GALNS: variants seen among roughly 807,000 people sequenced by gnomAD.
GALNS encodes the protein galactosamine (N-acetyl)-6-sulfatase.
GALNS carries 65 observed loss-of-function variants against 65.9 expected under a neutral mutation model. That is an observed-to-expected ratio of 0.99 (90% CI 0.81 to 1.21). The LOEUF is 1.21. GALNS is among the 50% of genes most tolerant of loss of function. GALNS has a pLI of 0.00. For synonymous variants in GALNS, 346 were observed against 288.9 expected (o/e 1.20, Z -2.00); for missense variants, 776 against 700.7 (o/e 1.11, Z -1.21).
chr16:88,815,526 G>A (rs770990425), intron 13 of GALNS: 4 of 985,468 alleles, frequency 4.1e-6, no homozygotes, highest in Middle Eastern at 5.2e-4. Flanking sequence ...TTGATGGGAG[G>A]GCACTTTTCC....
At chr16:88,856,381 T>A (rs760949088) in intron 1 of GALNS, 5 of 701,452 alleles carry the variant, frequency 7.1e-6, no homozygotes, top group Non-Finnish European at 1.3e-5. Context: ...CGCGCCCACC[T>A]TTCCCAAGAG....
chr16:88,846,384 C>T (rs114929063), intron 1 of GALNS, among the ~76,000 whole-genome samples: 4,764 of 152,128 alleles, frequency 0.031, 251 homozygotes, highest in African/African-American at 0.11. Flanking sequence ...GGGCTCCGGA[C>T]GGCTGGGGGC....
At chr16:88,815,258 G>A (rs993847671) in intron 13 of GALNS, 1 of 985,368 alleles carries the variant, frequency 1.0e-6, no homozygotes, top group Non-Finnish European at 1.2e-6. Context: ...GGATGCAGCT[G>A]CCAAGTGGCT....
intron 4 of GALNS, chr16:88,840,612 T>C: frequency 2.8e-6 from 1 of 360,708 alleles, no homozygotes; most frequent in Non-Finnish European, 5.4e-6. Flanking sequence ...GCCCCTAGGG[T>C]GGACAGGCAG....
intron 11 of GALNS, 25 bp downstream of exon 11, chr16:88,824,742 T>C (rs761932909): frequency 6.3e-7 from 1 of 1,595,742 alleles, no homozygotes; most frequent in Non-Finnish European, 8.6e-7. Context: ...CAGCTCCGCC[T>C]GCGCCCACGT....
At chr16:88,840,644 G>C in intron 4 of GALNS, 1 of 389,612 alleles carries the variant, frequency 2.6e-6, no homozygotes, top group Non-Finnish European at 4.9e-6. Flanking sequence ...CAGCTCCTGT[G>C]TGTAATGACG....
intron 1 of GALNS, among the ~76,000 whole-genome samples, chr16:88,847,775 C>G (rs1401077311): frequency 6.6e-6 from 1 of 152,254 alleles, no homozygotes; most frequent in Admixed American, 6.5e-5. Context: ...GAACGTGACA[C>G]GCAGCACCTG....
intron 13 of GALNS, chr16:88,816,519 GC>G (rs1230716631): frequency 2.3e-5 from 22 of 945,050 alleles, no homozygotes; most frequent in Non-Finnish European, 2.6e-5. Flanking sequence ...AGGCACCCCC[GC>G]CCCCCGCCCC....
intron 9 of GALNS, among the ~76,000 whole-genome samples, chr16:88,828,727 C>A (rs1022633383): frequency 6.6e-6 from 1 of 152,206 alleles, no homozygotes; most frequent in Non-Finnish European, 1.5e-5. Context: ...GGAGCCTTTC[C>A]GTGGGCAGGT....
intron 12 of GALNS, among the ~76,000 whole-genome samples, chr16:88,820,118 C>G (rs1345487163): frequency 6.6e-6 from 1 of 150,488 alleles, no homozygotes; most frequent in Non-Finnish European, 1.5e-5. Flanking sequence ...TGTGAGTGAC[C>G]ATGCCTGGCC....
rs200110619 is a variant in GALNS at position 88,822,757 on chromosome 16, G to A, written c.1243-47C>T. ...TGTGTCCTGGAGCCCCTGACCTGCGGCCGTGAGGGGCCTCGTCTGCCCGTG... is the reference window on the plus strand; with the variant it reads ...TGTGTCCTGGAGCCCCTGACCTGCGACCGTGAGGGGCCTCGTCTGCCCGTG... On this transcript the variant is annotated intron_variant, in intron 11 of 13. Coordinates refer to ENST00000268695, the MANE Select transcript of GALNS (RefSeq NM_000512.5). The A allele has an allele frequency of 1.4e-4, 221 of 1,600,942 alleles. No individual in the cohort carries two copies. In the African/African-American group the frequency reaches 2.8e-3, roughly 21 times the overall value.
chr16:88,824,825 A>G lies in GALNS; in HGVS notation c.1184T>C (p.Leu395Pro), dbSNP rs1227964288. ...CCAGAAGTGAGCCTTGTGCTGCCCGAGGGTGGCCGCCATCAGCGTGTCGCC... is the reference window on the plus strand; with the variant it reads ...CCAGAAGTGAGCCTTGTGCTGCCCGGGGGTGGCCGCCATCAGCGTGTCGCC... ...YRGDTLMAAT[L>P]GQHKAHFWTW... Residue 395 changes from leucine to proline, a missense_variant, in exon 11 of 14, where the codon CTC (leucine) becomes CCC (proline). By Grantham distance (98) the Leu-to-Pro change is moderately conservative (BLOSUM62 -3). Transcript: ENST00000268695. The G allele has an allele frequency of 6.2e-7, 1 of 1,613,334 alleles. No homozygotes were observed. Among genetic ancestry groups the G allele is most frequent in the Non-Finnish European group, 8.5e-7 (1 of 1,180,016 alleles).
At position 88,835,815 on chromosome 16, in the gene GALNS, T is replaced by C; in HGVS notation, c.668A>G (p.His223Arg). ...ALDFIKRQAR[H>R]HPFFLYWAVD... ...AGCCCAGTAGAGGAAAAAGGGGTGG[T>C]GCCGTGCCTGTCTCTTAATGAAGTC... The change falls in exon 7 of 14, where the codon CAC (histidine) becomes CGC (arginine). Residue 223 changes from histidine to arginine, a missense_variant. His to Arg is a conservative substitution (Grantham distance 29, BLOSUM62 0). Transcript: ENST00000268695. 6.2e-7 allele frequency: 1 copy of C among 1,614,146 alleles called. No individual in the cohort carries two copies. The highest frequency in any genetic ancestry group is 8.5e-7 in the Non-Finnish European group (1 of 1,180,010).
intron 1 of GALNS, chr16:88,843,243 G>C (rs578038513): frequency 1.6e-6 from 2 of 1,282,822 alleles, no homozygotes; most frequent in Non-Finnish European, 2.0e-6. Flanking sequence ...GTCTGTACAC[G>C]TCTAGATTTC....
intron 1 of GALNS, chr16:88,855,161 A>G (rs142790152): frequency 0.016 from 10,370 of 641,242 alleles, 122 homozygotes; most frequent in Middle Eastern, 0.046. Context: ...TTAACCCAAC[A>G]TAACCAAAAT....
intron 9 of GALNS, among the ~76,000 whole-genome samples, chr16:88,829,720 C>T (rs1275088964): frequency 1.2e-4 from 18 of 152,354 alleles, no homozygotes; most frequent in Admixed American, 1.0e-3. Context: ...CCCTGACAGA[C>T]GACTTCCTCT....
chr16:88,836,727 G>A (rs889285921), intron 5 of GALNS, among the ~76,000 whole-genome samples: 2 of 152,122 alleles, frequency 1.3e-5, no homozygotes, highest in Non-Finnish European at 2.9e-5. Context: ...CGCATCCCTC[G>A]CTCCCCCAGG....
At chr16:88,826,233 CAG>C (rs1488007369) in intron 10 of GALNS, among the ~76,000 whole-genome samples, 1 of 95,816 alleles carries the variant, frequency 1.0e-5, no homozygotes, top group South Asian at 3.1e-4. Context: ...AGGCAGGCAA[CAG>C]GGGTGGGGCA....
At chr16:88,814,546 A>C in intron 13 of GALNS, 21 bp from the exon 14 acceptor site, 1 of 1,551,374 alleles carries the variant, frequency 6.4e-7, no homozygotes, top group African/African-American at 1.4e-5. Context: ...AAAATTGAGA[A>C]AAAGAACATG....
Sources: allele counts gnomAD v4.1 joint callset (sites outside exome capture counted in the v4.1 genomes callset), GRCh38; gene constraint gnomAD v4.1.1; transcripts MANE v1.5; gene names NCBI Gene and HGNC (gene_info 2026-07-23, HGNC 2026-07-21).